Variants in MGA observed in about 807,000 individuals in gnomAD.
MGA encodes MAX dimerization protein MGA, also known as MAX gene-associated protein.
Under a neutral mutation model 261.1 loss-of-function variants are expected in MGA, and 40 were observed. The observed-to-expected ratio is 0.15, with a 90% CI of 0.12 to 0.20. MGA has a LOEUF of 0.20. MGA is among the 10% of genes least tolerant of loss of function. MGA has a pLI of 1.00. For missense variants in MGA, 3,397 were observed against 3,630.5 expected (o/e 0.94, Z 1.65); for synonymous variants, 1,302 against 1,290.6 (o/e 1.01, Z -0.19).
Position 41,742,508 on chromosome 15 carries a change from G to T in MGA, c.4586-38G>T, listed in dbSNP as rs1476143649. On this transcript the variant is annotated intron_variant, in intron 14 of 23. Coordinates refer to ENST00000219905, the MANE Select transcript of MGA (RefSeq NM_001164273.2). ...CAGTCACTAAGAGGATAAAATATGA[G>T]AACTGAAGATTTTTGACCTGCAAAT... 5 of 1,593,820 alleles carry T rather than the reference G, an allele frequency of 3.1e-6. No homozygotes were observed. The African/African-American group carries it at 5.4e-5, about 17-fold the overall frequency.
At chr15:41,682,395 C>A (rs920271185) in intron 2 of MGA, among the ~76,000 whole-genome samples, 1 of 152,170 alleles carries the variant, frequency 6.6e-6, no homozygotes, top group Non-Finnish European at 1.5e-5. Flanking sequence ...GTACTCTAGG[C>A]CCCTACCAAG....
chr15:41,694,641 C>T (rs1194585932), intron 2 of MGA, among the ~76,000 whole-genome samples: 1 of 151,876 alleles, frequency 6.6e-6, no homozygotes, highest in Non-Finnish European at 1.5e-5. Context: ...ATTCTCCTGC[C>T]TCAGCCTCCC....
chr15:41,648,318 C>G (rs901385519), intron 1 of MGA, among the ~76,000 whole-genome samples: 2 of 152,178 alleles, frequency 1.3e-5, no homozygotes, highest in Non-Finnish European at 2.9e-5. Context: ...CTTAACCTCT[C>G]TGTTTAATCT....
intron 15 of MGA, among the ~76,000 whole-genome samples, chr15:41,743,828 A>G (rs1310618721): frequency 2.0e-5 from 3 of 152,198 alleles, no homozygotes; most frequent in African/African-American, 7.2e-5. Context: ...GGGCTCTAAT[A>G]TTTTTATAAA....
rs397967721 is a variant in MGA at position 41,681,399 on chromosome 15, G to GTT, written c.1064+11455_1064+11456dup. ...TTTTTAAATCCTTGTAGTATACTCT[G>GTT]TTTTTTTTTTTTTTTAATTCTGTTA... On this transcript the variant is annotated intron_variant, in intron 2 of 23. Transcript: ENST00000219905. 2.6e-3 allele frequency among the ~76,000 whole-genome samples: 355 copies of GTT among 136,148 alleles called. 2 individuals carry two copies. The highest frequency in any genetic ancestry group is 5.0e-3 in the African/African-American group (183 of 36,720). The allele number at this position is 136,148 out of a possible 152,430, so 89.3% of individuals were successfully genotyped here.
chr15:41,736,515 T>G lies in MGA; in HGVS notation c.4251T>G (p.Pro1417=). 6.2e-7 allele frequency: 1 copy of G among 1,614,024 alleles called. No homozygotes were observed. Among genetic ancestry groups the G allele is most frequent in the Non-Finnish European group, 8.5e-7 (1 of 1,179,886 alleles). Residue 1417 remains proline (P), a synonymous_variant, in exon 13 of 24, where the codon CCT becomes CCG. Coordinates refer to ENST00000219905, the MANE Select transcript of MGA (RefSeq NM_001164273.2). ...CTGAGAAATCTGGATCAGAGACTCCTGATGGTCCATTGTCCCCTGGGAAAA... is the reference window on the plus strand; with the variant it reads ...CTGAGAAATCTGGATCAGAGACTCCGGATGGTCCATTGTCCCCTGGGAAAA...
chr15:41,650,509 C>T (rs1253964525), intron 1 of MGA, among the ~76,000 whole-genome samples: 1 of 152,084 alleles, frequency 6.6e-6, no homozygotes, highest in Non-Finnish European at 1.5e-5. Context: ...GTGATCTTGG[C>T]TCACTGTAAC....
upstream of MGA, among the ~76,000 whole-genome samples, chr15:41,659,975 G>T (rs528876432): frequency 6.6e-6 from 1 of 152,226 alleles, no homozygotes; most frequent in Non-Finnish European, 1.5e-5. Context: ...GAAGACCTCA[G>T]ATTCATTTGA....
chr15:41,699,624 C>A (rs1387877448), intron 5 of MGA, among the ~76,000 whole-genome samples: 1 of 152,186 alleles, frequency 6.6e-6, no homozygotes, highest in Admixed American at 6.5e-5. Context: ...GCCTCAGCCT[C>A]CCAAGTAGCT....
At chr15:41,655,685 C>G (rs904808112), upstream of MGA, among the ~76,000 whole-genome samples, 4 of 152,166 alleles carry the variant, frequency 2.6e-5, no homozygotes, top group East Asian at 7.7e-4. Context: ...GTCAATAAGA[C>G]TTTCCTAGAA....
chr15:41,622,364 A>G (rs2140887430), intron 1 of MGA, among the ~76,000 whole-genome samples: 1 of 152,098 alleles, frequency 6.6e-6, no homozygotes, highest in Middle Eastern at 3.4e-3. Context: ...AATTTAACAA[A>G]TTCTTAAAAA....
intron 3 of MGA, among the ~76,000 whole-genome samples, chr15:41,697,281 TAA>T (rs1357889120): frequency 6.6e-6 from 1 of 152,124 alleles, no homozygotes; most frequent in Admixed American, 6.5e-5. Flanking sequence ...TAGCTGTGTT[TAA>T]AAAAAGTCTT....
At chr15:41,678,680 T>C (rs1028389696) in intron 2 of MGA, among the ~76,000 whole-genome samples, 3 of 150,896 alleles carry the variant, frequency 2.0e-5, no homozygotes, top group Admixed American at 6.6e-5. Context: ...GGCAGGAGAA[T>C]CGCTTGAACC....
chr15:41,656,373 T>TCC (rs1566936596), upstream of MGA, among the ~76,000 whole-genome samples: 2 of 136,566 alleles, frequency 1.5e-5, no homozygotes, highest in Non-Finnish European at 3.3e-5. Context: ...TCTCTCTCTC[T>TCC]CTCTCACACC....
intron 2 of MGA, among the ~76,000 whole-genome samples, chr15:41,679,407 G>A (rs1045853797): frequency 5.3e-5 from 8 of 152,208 alleles, no homozygotes; most frequent in South Asian, 2.1e-4. Context: ...TGTTGAATTC[G>A]TTCAACACTT....
intron 9 of MGA, 128 bp downstream of exon 9, chr15:41,713,624 C>T (rs2060487649): frequency 1.8e-6 from 2 of 1,121,326 alleles, no homozygotes; most frequent in Non-Finnish European, 2.4e-6. Flanking sequence ...TTCTTATTAT[C>T]CTTACATGCT....
intron 1 of MGA, among the ~76,000 whole-genome samples, chr15:41,635,121 G>T (rs2056672591): frequency 6.6e-6 from 1 of 150,970 alleles, no homozygotes; most frequent in Non-Finnish European, 1.5e-5. Context: ...ATCACTTAAG[G>T]TCAGGAGTTC....
chr15:41,641,748 A>C (rs796521070), intron 1 of MGA, among the ~76,000 whole-genome samples: 6 of 152,054 alleles, frequency 3.9e-5, no homozygotes, highest in African/African-American at 1.4e-4. Context: ...TTGGCCTCCC[A>C]AAGTGTTGGG....
chr15:41,640,856 C>T (rs1345837221), intron 1 of MGA, among the ~76,000 whole-genome samples: 1 of 152,146 alleles, frequency 6.6e-6, no homozygotes, highest in East Asian at 1.9e-4. Flanking sequence ...AATTAATGTA[C>T]TATAAAATTT....
Sources: gnomAD v4.1 joint callset for allele counts (sites outside exome capture counted in the v4.1 genomes callset) on GRCh38, gnomAD v4.1.1 for gene constraint, MANE v1.5 for transcripts, NCBI Gene and HGNC (gene_info 2026-07-23, HGNC 2026-07-21) for gene names.